Variants in ZNF569 observed in about 807,000 individuals in gnomAD.
ZNF569 encodes DNA-binding protein.
Under a neutral mutation model 56.3 loss-of-function variants are expected in ZNF569, and 38 were observed. That is an observed-to-expected ratio of 0.68 (90% CI 0.52 to 0.88). ZNF569 has a LOEUF of 0.88. Among genes scored for constraint, ZNF569 ranks in the 40% least tolerant of loss-of-function variants. The pLI is 0.00. For synonymous variants in ZNF569, 241 were observed against 262.9 expected (o/e 0.92, Z 0.81); for missense variants, 666 against 809.2 (o/e 0.82, Z 2.15).
chr19:37,439,687 A>C (rs2041371858), intron 3 of ZNF569, among the ~76,000 whole-genome samples: 2 of 152,252 alleles, frequency 1.3e-5, no homozygotes, highest in South Asian at 2.1e-4. Context: ...ATGGATAAAG[A>C]AAATGTGATA....
chr19:37,458,656 T>C (rs1450480582), intron 2 of ZNF569, among the ~76,000 whole-genome samples: 1 of 152,228 alleles, frequency 6.6e-6, no homozygotes, highest in Non-Finnish European at 1.5e-5. Context: ...GTGAACCACT[T>C]ATGGCAGGGA....
At chr19:37,460,765 CAAA>C (rs113644505) in intron 2 of ZNF569, among the ~76,000 whole-genome samples, 1 of 120,852 alleles carries the variant, frequency 8.3e-6, no homozygotes, top group Non-Finnish European at 1.8e-5. Flanking sequence ...TACCCTGTCT[CAAA>C]AAAAAAAAAA....
At chr19:37,444,414 GT>G (rs1568737683) in intron 3 of ZNF569, among the ~76,000 whole-genome samples, 2 of 152,028 alleles carry the variant, frequency 1.3e-5, no homozygotes, top group African/African-American at 4.8e-5. Flanking sequence ...GTATTTCACC[GT>G]GTGAAATACT....
intron 3 of ZNF569, among the ~76,000 whole-genome samples, chr19:37,432,316 A>G (rs2041239309): frequency 6.6e-6 from 1 of 152,210 alleles, no homozygotes; most frequent in Admixed American, 6.5e-5. Context: ...AGCTCCAGGC[A>G]ACTCAGCACA....
At chr19:37,425,243 C>G (rs1258938715) in intron 5 of ZNF569, among the ~76,000 whole-genome samples, 1 of 151,716 alleles carries the variant, frequency 6.6e-6, no homozygotes, top group Non-Finnish European at 1.5e-5. Context: ...CCTCAACCTC[C>G]TAGGCTCAAG....
At chr19:37,432,909 T>TC (rs1213971500) in intron 3 of ZNF569, among the ~76,000 whole-genome samples, 1 of 148,102 alleles carries the variant, frequency 6.8e-6, no homozygotes, top group East Asian at 2.0e-4. Flanking sequence ...TCAGTCTTTT[T>TC]TTTTTTTTTT....
chr19:37,413,442 C>A lies in ZNF569; in HGVS notation c.1216G>T (p.Gly406Cys), dbSNP rs755724920. The A allele has an allele frequency of 6.2e-7, 1 of 1,613,858 alleles. No individual in the cohort carries two copies. The highest frequency in any genetic ancestry group is 1.1e-5 in the South Asian group (1 of 91,052). Residue 406 changes from glycine to cysteine, a missense_variant, in exon 6 of 6, where the codon GGT (glycine) becomes TGT (cysteine). Physicochemically the swap from Gly to Cys is radical, Grantham distance 159. Coordinates refer to ENST00000316950, the MANE Select transcript of ZNF569 (RefSeq NM_152484.3). Reference protein sequence around the residue: ...ALTVHMRSHTGEKPYECKECR... With the variant: ...ALTVHMRSHTCEKPYECKECR... ...TCCTTACATTCATAGGGTTTCTCAC[C>A]AGTGTGACTTCTCATATGTACAGTA...
At chr19:37,448,951 A>G (rs1217314492) in intron 2 of ZNF569, among the ~76,000 whole-genome samples, 3 of 152,110 alleles carry the variant, frequency 2.0e-5, no homozygotes, top group Admixed American at 2.0e-4. Context: ...TTTTCTAATT[A>G]TTTATATCAT....
chr19:37,427,880 C>T (rs1392616596), intron 3 of ZNF569: 1 of 492,708 alleles, frequency 2.0e-6, no homozygotes, highest in Non-Finnish European at 4.1e-6. Context: ...AAATCTGGCC[C>T]TGGTATAATA....
chr19:37,427,979 T>C (rs1377396213), intron 3 of ZNF569, among the ~76,000 whole-genome samples: 2 of 152,204 alleles, frequency 1.3e-5, no homozygotes, highest in Admixed American at 6.5e-5. Flanking sequence ...CCTCAGGAAG[T>C]TGTATTTTCT....
rs116645375 is a variant in ZNF569 at position 37,433,254 on chromosome 19, G to A, written c.16-6876C>T. On this transcript the variant is annotated intron_variant, in intron 3 of 5. Coordinates refer to ENST00000316950, the MANE Select transcript of ZNF569 (RefSeq NM_152484.3). ...GAACAACAGAATTGATCAAGCAGAG[G>A]AAAGAATTAGTGAGCCTGAAGATAG... Among the ~76,000 whole-genome samples the A allele has an allele frequency of 7.1e-3, 1,078 of 152,036 alleles. 15 individuals are homozygous for A. Among genetic ancestry groups the A allele is most frequent in the African/African-American group, 0.024 (1,004 of 41,462 alleles).
chr19:37,438,592 AAAATC>A (rs1024588078), intron 3 of ZNF569, among the ~76,000 whole-genome samples: 5 of 152,224 alleles, frequency 3.3e-5, no homozygotes, highest in African/African-American at 1.2e-4. Context: ...GCCATACACA[AAAATC>A]AAATCAAAAT....
At chr19:37,468,301 C>T (rs188029621), upstream of ZNF569, among the ~76,000 whole-genome samples, 399 of 152,174 alleles carry the variant, frequency 2.6e-3, 3 homozygotes, top group African/African-American at 9.3e-3. Context: ...GTTGCCCAGG[C>T]TGCTCTCGAA....
chr19:37,469,261 G>C, upstream of ZNF569: 2 of 1,395,864 alleles, frequency 1.4e-6, no homozygotes, highest in Non-Finnish European at 1.9e-6. Context: ...GCGACGCCGC[G>C]ACCTTTTCTA....
At chr19:37,423,586 T>C (rs1186494156) in intron 5 of ZNF569, among the ~76,000 whole-genome samples, 4 of 152,074 alleles carry the variant, frequency 2.6e-5, no homozygotes, top group Non-Finnish European at 5.9e-5. Context: ...TTTTAAAAAG[T>C]CGAGGTGGCA....
At chr19:37,431,688 C>A (rs1024956417) in intron 3 of ZNF569, 2 of 152,236 alleles carry the variant, frequency 1.3e-5, no homozygotes, top group South Asian at 2.1e-4. Context: ...AACTTTGGTA[C>A]CAACTTGGCC....
intron 3 of ZNF569, among the ~76,000 whole-genome samples, chr19:37,438,919 A>G (rs1051079849): frequency 6.6e-6 from 1 of 152,104 alleles, no homozygotes; most frequent in Non-Finnish European, 1.5e-5. Context: ...AAGTCTAATA[A>G]CTTGATTTAA....
chr19:37,436,360 A>T (rs2041309295), intron 3 of ZNF569, among the ~76,000 whole-genome samples: 1 of 152,038 alleles, frequency 6.6e-6, no homozygotes, highest in African/African-American at 2.4e-5. Flanking sequence ...GAAAGTTTAT[A>T]GCTATAAGCA....
At chr19:37,441,477 G>C (rs190836218) in intron 3 of ZNF569, among the ~76,000 whole-genome samples, 12 of 152,184 alleles carry the variant, frequency 7.9e-5, no homozygotes, top group Admixed American at 7.9e-4. Flanking sequence ...GGGCAACATA[G>C]TGGGACCTTG....
Sources: allele counts gnomAD v4.1 joint callset (sites outside exome capture counted in the v4.1 genomes callset), GRCh38; gene constraint gnomAD v4.1.1; transcripts MANE v1.5; gene names NCBI Gene and HGNC (gene_info 2026-07-23, HGNC 2026-07-21).